The following DCC variants were observed in gnomAD, a reference collection of about 807,000 sequenced individuals.
DCC encodes the protein DCC netrin 1 receptor.
Under a neutral mutation model 172.5 loss-of-function variants are expected in DCC, and 58 were observed. That is an observed-to-expected ratio of 0.34 (90% confidence interval 0.27 to 0.42). DCC has a LOEUF of 0.42. Among genes scored for constraint, DCC ranks in the 10% least tolerant of loss-of-function variants. The pLI, the probability that DCC is intolerant of heterozygous loss-of-function variation, is 1.00. For synonymous variants in DCC, 709 were observed against 644.5 expected (o/e 1.10, Z -1.52); for missense variants, 1,740 against 1,791.0 (o/e 0.97, Z 0.51).
At chr18:52,595,125 CA>C (rs889303881) in intron 1 of DCC, among the ~76,000 whole-genome samples, 2 of 152,120 alleles carry the variant, frequency 1.3e-5, no homozygotes, top group Non-Finnish European at 2.9e-5. Context: ...TTGTACATCA[CA>C]AAAAAGTTAT....
intron 2 of DCC, among the ~76,000 whole-genome samples, chr18:52,817,890 T>A (rs1057318284): frequency 1.3e-5 from 2 of 152,092 alleles, no homozygotes; most frequent in African/African-American, 4.8e-5. Context: ...AAAAAGAGAA[T>A]GAGGGTAAAG....
intron 2 of DCC, among the ~76,000 whole-genome samples, chr18:52,904,227 G>A (rs1246030228): frequency 6.6e-6 from 1 of 152,144 alleles, no homozygotes; most frequent in Non-Finnish European, 1.5e-5. Flanking sequence ...TTCTTACAAA[G>A]AACAATCTTA....
intron 12 of DCC, among the ~76,000 whole-genome samples, chr18:53,250,208 C>A (rs1390425899): frequency 6.6e-6 from 1 of 151,840 alleles, no homozygotes; most frequent in Non-Finnish European, 1.5e-5. Context: ...GCTTCTATTA[C>A]TATAATTTCT....
At chr18:52,861,824 G>C (rs1293416859) in intron 2 of DCC, among the ~76,000 whole-genome samples, 7 of 152,114 alleles carry the variant, frequency 4.6e-5, no homozygotes, top group Non-Finnish European at 8.8e-5. Context: ...GTTATCAGAA[G>C]CCTGTATTCA....
chr18:53,468,039 A>C, intron 25 of DCC, 29 bp downstream of exon 25: 2 of 1,010,396 alleles, frequency 2.0e-6, no homozygotes, highest in South Asian at 2.5e-5. Flanking sequence ...CACAATGAAG[A>C]AATGAAATGC....
intron 22 of DCC, among the ~76,000 whole-genome samples, chr18:53,438,030 T>C (rs2145124258): frequency 6.6e-6 from 1 of 152,342 alleles, no homozygotes; most frequent in Non-Finnish European, 1.5e-5. Context: ...AACATAATTG[T>C]TGTATTTTAT....
intron 1 of DCC, among the ~76,000 whole-genome samples, chr18:52,685,730 A>C (rs8084402): frequency 6.6e-6 from 1 of 151,990 alleles, no homozygotes; most frequent in Admixed American, 6.6e-5. Flanking sequence ...CCACTTCTTA[A>C]ATATATACTG....
intron 2 of DCC, among the ~76,000 whole-genome samples, chr18:52,810,526 G>A (rs1480672078): frequency 6.6e-6 from 1 of 152,188 alleles, no homozygotes; most frequent in Non-Finnish European, 1.5e-5. Context: ...TGATGAGACA[G>A]CTTTCAGTGG....
At chr18:52,576,707 A>C (rs1486158545) in intron 1 of DCC, among the ~76,000 whole-genome samples, 1 of 151,544 alleles carries the variant, frequency 6.6e-6, no homozygotes, top group Non-Finnish European at 1.5e-5. Context: ...GTGGGCGCCT[A>C]TTGTGCCAGC....
At chr18:52,556,164 G>T (rs2032908763) in intron 1 of DCC, among the ~76,000 whole-genome samples, 2 of 152,098 alleles carry the variant, frequency 1.3e-5, no homozygotes, top group Non-Finnish European at 2.9e-5. Context: ...ATTCCTCATA[G>T]AAATCGCTAC....
chr18:52,613,251 T>C (rs905210223), intron 1 of DCC, among the ~76,000 whole-genome samples: 4 of 152,170 alleles, frequency 2.6e-5, no homozygotes, highest in Non-Finnish European at 5.9e-5. Flanking sequence ...TTTTTGTTTT[T>C]TTCTTGTTTT....
intron 2 of DCC, among the ~76,000 whole-genome samples, chr18:52,898,456 T>C (rs1029510511): frequency 2.0e-5 from 3 of 152,262 alleles, no homozygotes; most frequent in African/African-American, 4.8e-5. Context: ...ATTTCCACTT[T>C]TGCTTGAAAA....
At chr18:53,330,973 A>G (rs940955737) in intron 14 of DCC, among the ~76,000 whole-genome samples, 12 of 152,190 alleles carry the variant, frequency 7.9e-5, no homozygotes, top group Non-Finnish European at 1.5e-4. Context: ...TGAATGTAAA[A>G]TATTCATAGC....
chr18:52,610,051 C>T (rs1464634788), intron 1 of DCC, among the ~76,000 whole-genome samples: 1 of 147,022 alleles, frequency 6.8e-6, no homozygotes, highest in African/African-American at 2.5e-5. Context: ...CGGTGGCTTA[C>T]ACCTGTAATC....
chr18:52,421,579 C>A (rs1987249987), intron 1 of DCC, among the ~76,000 whole-genome samples: 1 of 152,176 alleles, frequency 6.6e-6, no homozygotes, highest in East Asian at 1.9e-4. Flanking sequence ...GCACAAAACG[C>A]CACATCTGCT....
intron 9 of DCC, among the ~76,000 whole-genome samples, chr18:53,180,683 G>T (rs12454147): frequency 0.33 from 49,800 of 151,656 alleles, 9,553 homozygotes; most frequent in East Asian, 0.59. Flanking sequence ...TTTATTTTTG[G>T]GACGGAGTCT....
Position 53,530,741 on chromosome 18 carries a change from T to G in DCC, c.*88T>G, listed in dbSNP as rs1210328041. 9 of 798,378 alleles carry G rather than the reference T, an allele frequency of 1.1e-5. No homozygotes were observed. The highest frequency in any genetic ancestry group is 7.3e-5 in the East Asian group (3 of 41,000). The allele number at this position is 798,378 out of a possible 1,614,324, so 49.5% of individuals were successfully genotyped here. A position where few individuals can be genotyped will look rare whatever the true frequency, so the allele number is the denominator to read the frequency against. On this transcript the variant is annotated 3_prime_UTR_variant, in exon 29 of 29. Transcript: ENST00000442544. ...AAACAGCACACCTGTGTCCAAGAAC[T>G]CTAACCAGTGTACAGGTCACCCATC...
intron 1 of DCC, among the ~76,000 whole-genome samples, chr18:52,472,144 A>G (rs16955043): frequency 0.045 from 6,847 of 152,288 alleles, 199 homozygotes; most frequent in South Asian, 0.12. Flanking sequence ...GATTTTGAGC[A>G]AGGTGTGATA....
chr18:53,012,858 T>C lies in DCC; in HGVS notation c.986-50447T>C, dbSNP rs147539664. 2.4e-3 allele frequency among the ~76,000 whole-genome samples: 361 copies of C among 151,980 alleles called. 1 individual carries two copies. Among genetic ancestry groups the C allele is most frequent in the African/African-American group, 8.3e-3 (344 of 41,470 alleles). On this transcript the variant is annotated intron_variant, in intron 5 of 28. Transcript: ENST00000442544. ...ACAAAGGTCTAATATCCAGCATCTA[T>C]AAGGAACTTAAACAAATTTACATGA...
Sources: gnomAD v4.1 joint callset for allele counts (sites outside exome capture counted in the v4.1 genomes callset) on GRCh38, gnomAD v4.1.1 for gene constraint, MANE v1.5 for transcripts, NCBI Gene and HGNC (gene_info 2026-07-23, HGNC 2026-07-21) for gene names.